TTC28: variants seen among roughly 807,000 people sequenced by gnomAD.
The protein encoded by TTC28 is tetratricopeptide repeat domain 28, also known as tetratricopeptide repeat protein 28.
A neutral mutation model predicts 198.0 loss-of-function variants in TTC28; 61 were observed. The observed-to-expected ratio is 0.31, with a 90% CI of 0.25 to 0.38. TTC28 has a LOEUF of 0.38. Ranked by LOEUF, TTC28 falls within the 10% of genes least tolerant of loss-of-function variation. The probability of loss-of-function intolerance (pLI) is 1.00; values close to 1 mark genes in which losing one functional copy is unlikely to be tolerated. For synonymous variants in TTC28, 1,171 were observed against 1,297.8 expected, an observed-to-expected ratio of 0.90 and a Z score of 2.10; for missense variants, 2,678 against 3,164.0, an observed-to-expected ratio of 0.85 and a Z score of 3.69.
At chr22:28,101,029 G>T in intron 9 of TTC28, 142 bp downstream of exon 9, 1 of 580,608 alleles carries the variant, frequency 1.7e-6, no homozygotes, top group Non-Finnish European at 3.0e-6. Context: ...TTCTGGGCTA[G>T]TACAGGCGGG....
chr22:28,298,490 C>G (rs1033035286), intron 3 of TTC28, among the ~76,000 whole-genome samples: 2 of 152,104 alleles, frequency 1.3e-5, no homozygotes, highest in Non-Finnish European at 2.9e-5. Context: ...CTCCGTCACC[C>G]AGGCTGGAGT....
intron 6 of TTC28, among the ~76,000 whole-genome samples, chr22:28,143,010 C>A (rs1027648352): frequency 6.6e-6 from 1 of 152,110 alleles, no homozygotes; most frequent in Non-Finnish European, 1.5e-5. Context: ...GGATAGTGGT[C>A]GCATTTTCTG....
intron 1 of TTC28, 75 bp from the exon 2 acceptor site, chr22:28,629,905 T>C: frequency 7.7e-7 from 1 of 1,306,752 alleles, no homozygotes; most frequent in Non-Finnish European, 1.0e-6. Context: ...GATTTGGATG[T>C]CTGTCCCCTC....
chr22:28,159,012 C>T (rs891022122), intron 6 of TTC28, among the ~76,000 whole-genome samples: 3 of 152,130 alleles, frequency 2.0e-5, no homozygotes, highest in African/African-American at 7.2e-5. Context: ...GCGAACTACC[C>T]ATATGACAAG....
chr22:28,423,269 A>C (rs1305724363), intron 2 of TTC28, among the ~76,000 whole-genome samples: 1 of 152,156 alleles, frequency 6.6e-6, no homozygotes, highest in Non-Finnish European at 1.5e-5. Context: ...ACGTGCCTGT[A>C]ATACCAGCTG....
intron 5 of TTC28, among the ~76,000 whole-genome samples, chr22:28,265,459 C>A (rs1931622221): frequency 6.6e-6 from 1 of 152,110 alleles, no homozygotes; most frequent in Admixed American, 6.6e-5. Flanking sequence ...TCCACATCTG[C>A]AAAGTAGAGG....
At chr22:28,533,140 T>C (rs1000863960) in intron 2 of TTC28, among the ~76,000 whole-genome samples, 3 of 152,184 alleles carry the variant, frequency 2.0e-5, no homozygotes, top group Non-Finnish European at 2.9e-5. Flanking sequence ...GATGACATGG[T>C]TGTATATCTA....
intron 5 of TTC28, among the ~76,000 whole-genome samples, chr22:28,179,294 G>A (rs992051533): frequency 3.3e-5 from 5 of 151,680 alleles, no homozygotes; most frequent in African/African-American, 9.7e-5. Flanking sequence ...CAAGTAGCTG[G>A]GATTACAGGT....
chr22:28,567,479 C>CATATATATATATATATACAT (rs2049992702), intron 2 of TTC28, among the ~76,000 whole-genome samples: 1 of 51,128 alleles, frequency 2.0e-5, no homozygotes, highest in Non-Finnish European at 3.5e-5. Context: ...TACATACATA[C>CATATATATATATATATACAT]ATATATATAT....
At chr22:27,989,824 A>T in intron 21 of TTC28, 54 bp downstream of exon 21, 1 of 1,519,846 alleles carries the variant, frequency 6.6e-7, no homozygotes, top group Non-Finnish European at 8.9e-7. Flanking sequence ...GGAAAAACAG[A>T]GATTTAAAAG....
chr22:28,450,155 G>C (rs916213299), intron 2 of TTC28, among the ~76,000 whole-genome samples: 1 of 152,132 alleles, frequency 6.6e-6, no homozygotes, highest in East Asian at 1.9e-4. Context: ...GGGGGTCATT[G>C]ACATGATGAT....
chr22:28,234,672 C>T (rs1929098036), intron 5 of TTC28, among the ~76,000 whole-genome samples: 1 of 152,210 alleles, frequency 6.6e-6, no homozygotes, highest in Non-Finnish European at 1.5e-5. Context: ...TAACGCCCGG[C>T]CTCATCTTCT....
chr22:28,542,147 C>T (rs2049425989), intron 2 of TTC28, among the ~76,000 whole-genome samples: 1 of 151,856 alleles, frequency 6.6e-6, no homozygotes, highest in South Asian at 2.1e-4. Context: ...CCACCATACA[C>T]CAGCCATAAA....
chr22:27,998,597 C>G lies in TTC28; in HGVS notation c.5062G>C (p.Glu1688Gln), dbSNP rs928748850. ...NGLKASAALG[E>Q]AMKVVQSSKA... is the part of the protein sequence containing the mutation. ...CTGCTCTGCACCACCTTCATGGCCT[C>G]CCCCAGGGCGGCGCTGGCTTTCAGG... Residue 1688 changes from glutamate to glutamine, a missense_variant, in exon 16 of 23, where the codon GAG becomes CAG. Physicochemically the swap from Glu to Gln is conservative, Grantham distance 29. Coordinates refer to ENST00000397906, the MANE Select transcript of TTC28 (RefSeq NM_001145418.2). 1 of 1,550,666 alleles carries G rather than the reference C, an allele frequency of 6.4e-7. No individual in the cohort carries two copies. The highest frequency in any genetic ancestry group is 1.4e-5 in the African/African-American group (1 of 73,050).
At chr22:28,615,768 G>A (rs2050895153) in intron 2 of TTC28, among the ~76,000 whole-genome samples, 2 of 103,684 alleles carry the variant, frequency 1.9e-5, no homozygotes, top group Non-Finnish European at 1.7e-5. Context: ...CACAGGGAGG[G>A]AAACATCACA....
At chr22:28,140,970 AGAG>A (rs1569159477) in intron 6 of TTC28, among the ~76,000 whole-genome samples, 1 of 152,100 alleles carries the variant, frequency 6.6e-6, no homozygotes, top group Non-Finnish European at 1.5e-5. Context: ...AAGAAAAGGA[AGAG>A]GAGGAGGAAG....
chr22:28,480,936 G>A (rs1027231494), intron 2 of TTC28, among the ~76,000 whole-genome samples: 7 of 152,140 alleles, frequency 4.6e-5, no homozygotes, highest in African/African-American at 1.7e-4. Flanking sequence ...CAGATAGGTT[G>A]ATCATCCTCA....
chr22:28,234,068 G>A (rs937854153), intron 5 of TTC28, among the ~76,000 whole-genome samples: 5 of 151,176 alleles, frequency 3.3e-5, no homozygotes, highest in Non-Finnish European at 5.9e-5. Flanking sequence ...CACTACGCCC[G>A]GCTAATTTTT....
Position 28,130,340 on chromosome 22 carries a change from C to T in TTC28, c.1442-21937G>A, listed in dbSNP as rs145802093. Among the ~76,000 whole-genome samples the T allele has an allele frequency of 4.8e-4, 73 of 152,270 alleles. 1 individual carries two copies. The highest frequency in any genetic ancestry group is 1.6e-3 in the African/African-American group (67 of 41,564). On this transcript the variant is annotated intron_variant, in intron 6 of 22. Transcript: ENST00000397906. ...AAGCAGAAGATTCATTACAGTCTCT[C>T]GGGAGCTTGAGGCTTCTTCCACCAC...
Sources: allele counts gnomAD v4.1 joint callset (sites outside exome capture counted in the v4.1 genomes callset), GRCh38; gene constraint gnomAD v4.1.1; transcripts MANE v1.5; gene names NCBI Gene and HGNC (gene_info 2026-07-23, HGNC 2026-07-21).